The following CTNNA2 variants were observed in gnomAD, a reference collection of about 807,000 sequenced individuals.
The protein encoded by CTNNA2 is catenin alpha-2.
In CTNNA2, 42 loss-of-function variants were observed where a neutral mutation model predicts 101.0. The ratio of observed to expected loss-of-function variants is 0.42; its 90% CI spans 0.32 to 0.54. The LOEUF is 0.54. Among genes scored for constraint, CTNNA2 ranks in the 20% least tolerant of loss-of-function variants. The pLI is 0.14. For synonymous variants in CTNNA2, 450 were observed against 456.4 expected, an observed-to-expected ratio of 0.99 and a Z score of 0.18; for missense variants, 871 against 1,223.1, an observed-to-expected ratio of 0.71 and a Z score of 4.29.
intron 4 of CTNNA2, among the ~76,000 whole-genome samples, chr2:79,495,058 GC>G (rs1407565568): frequency 2.0e-5 from 3 of 152,058 alleles, no homozygotes; most frequent in Non-Finnish European, 4.4e-5. Flanking sequence ...AGCCGAGATT[GC>G]GCCACTGCAC....
intron 9 of CTNNA2, among the ~76,000 whole-genome samples, chr2:80,477,030 A>G (rs986111790): frequency 2.6e-5 from 4 of 152,194 alleles, no homozygotes; most frequent in African/African-American, 9.6e-5. Flanking sequence ...TAGAATAATT[A>G]CTATTTAGAG....
At chr2:79,616,424 T>G (rs1678624900) in intron 1 of CTNNA2, among the ~76,000 whole-genome samples, 1 of 152,144 alleles carries the variant, frequency 6.6e-6, no homozygotes, top group Non-Finnish European at 1.5e-5. Flanking sequence ...GTAGAGAAAT[T>G]TAAAGAATGT....
At chr2:79,841,026 T>C (rs372119298) in intron 3 of CTNNA2, among the ~76,000 whole-genome samples, 12 of 151,946 alleles carry the variant, frequency 7.9e-5, no homozygotes, top group Admixed American at 1.3e-4. Context: ...GCCTCGGCCT[T>C]CCAAAGTGCT....
At chr2:79,421,784 G>T (rs1678542413) in intron 4 of CTNNA2, among the ~76,000 whole-genome samples, 1 of 152,108 alleles carries the variant, frequency 6.6e-6, no homozygotes, top group Non-Finnish European at 1.5e-5. Context: ...CATTAGTCAG[G>T]CTGTAGGATG....
At chr2:79,900,714 G>A (rs1004676119) in intron 6 of CTNNA2, among the ~76,000 whole-genome samples, 1 of 151,916 alleles carries the variant, frequency 6.6e-6, no homozygotes, top group African/African-American at 2.4e-5. Context: ...CCCAAGACAA[G>A]GCAAACCACA....
intron 7 of CTNNA2, among the ~76,000 whole-genome samples, chr2:80,026,748 G>A (rs1263245463): frequency 6.6e-6 from 1 of 152,088 alleles, no homozygotes; most frequent in Non-Finnish European, 1.5e-5. Flanking sequence ...AGAAACTAAG[G>A]TATGAAGTGT....
At chr2:80,105,174 CAACAGAATGAT>C (rs1700800380) in intron 7 of CTNNA2, among the ~76,000 whole-genome samples, 1 of 152,162 alleles carries the variant, frequency 6.6e-6, no homozygotes, top group African/African-American at 2.4e-5. Flanking sequence ...TAAAATACAC[CAACAGAATGAT>C]TGATCATGTT....
At chr2:80,139,480 C>T (rs1422728351) in intron 7 of CTNNA2, among the ~76,000 whole-genome samples, 1 of 152,032 alleles carries the variant, frequency 6.6e-6, no homozygotes, top group Non-Finnish European at 1.5e-5. Context: ...GATTTTACTG[C>T]TTAGGATCTG....
intron 7 of CTNNA2, among the ~76,000 whole-genome samples, chr2:80,283,279 GGA>G (rs1674525382): frequency 6.6e-6 from 1 of 151,938 alleles, no homozygotes; most frequent in Non-Finnish European, 1.5e-5. Context: ...TGCAGGGAGG[GGA>G]GAGAATATCA....
chr2:79,414,497 G>A (rs1249188426), intron 4 of CTNNA2, among the ~76,000 whole-genome samples: 2 of 151,728 alleles, frequency 1.3e-5, no homozygotes, highest in Non-Finnish European at 2.9e-5. Context: ...ATAATTCCTT[G>A]GTAATTTTAT....
At chr2:79,785,295 C>T (rs1488490841) in intron 3 of CTNNA2, among the ~76,000 whole-genome samples, 1 of 151,812 alleles carries the variant, frequency 6.6e-6, no homozygotes. Flanking sequence ...ATTTACTTCC[C>T]CTTACTCACA....
intron 7 of CTNNA2, among the ~76,000 whole-genome samples, chr2:80,257,560 T>G (rs1319836183): frequency 6.6e-6 from 1 of 152,216 alleles, no homozygotes; most frequent in Non-Finnish European, 1.5e-5. Context: ...GTAGCCACCC[T>G]GATGAATGCA....
At chr2:79,939,717 A>T (rs1384884163) in intron 7 of CTNNA2, among the ~76,000 whole-genome samples, 1 of 152,212 alleles carries the variant, frequency 6.6e-6, no homozygotes, top group African/African-American at 2.4e-5. Context: ...GAATGATCTT[A>T]CATATTAGCA....
At chr2:79,859,397 CA>C (rs1282314453) in intron 4 of CTNNA2, among the ~76,000 whole-genome samples, 1 of 152,026 alleles carries the variant, frequency 6.6e-6, no homozygotes, top group Non-Finnish European at 1.5e-5. Context: ...TATTCTCTGT[CA>C]AAAAACCTTG....
At chr2:79,749,832 T>C (rs1671890674) in intron 3 of CTNNA2, among the ~76,000 whole-genome samples, 1 of 152,242 alleles carries the variant, frequency 6.6e-6, no homozygotes, top group African/African-American at 2.4e-5. Flanking sequence ...AAAAAAACGC[T>C]AAATGTTCTA....
rs202014631 is a variant in CTNNA2 at position 80,043,207 on chromosome 2, T to TC, written c.1056+133410_1056+133411insC. Among the ~76,000 whole-genome samples, 39 of 35,104 alleles carry TC rather than the reference T, an allele frequency of 1.1e-3. No individual in the cohort carries two copies. In the East Asian group the frequency reaches 0.24, roughly 219 times the overall value. The allele number at this position is 35,104 out of a possible 152,430, so 23.0% of individuals were successfully genotyped here. On this transcript the variant is annotated intron_variant, in intron 7 of 18. Coordinates refer to ENST00000402739, the MANE Select transcript of CTNNA2 (RefSeq NM_001282597.3). ...CTTTCTTTCTTTCTTTCTCTCTCTC[T>TC]TTTTTTTTTTTTCAGAGTCTTGCTC...
chr2:79,263,734 CCTT>C (rs1364933097), intron 2 of CTNNA2, among the ~76,000 whole-genome samples: 2 of 152,108 alleles, frequency 1.3e-5, no homozygotes, highest in Non-Finnish European at 2.9e-5. Flanking sequence ...GAGCTCGGCT[CCTT>C]CTTGCTATCT....
intron 7 of CTNNA2, among the ~76,000 whole-genome samples, chr2:79,928,771 C>T (rs1417000400): frequency 6.6e-6 from 1 of 152,094 alleles, no homozygotes; most frequent in South Asian, 2.1e-4. Flanking sequence ...GGTTTGAAAT[C>T]TCACTGGGAA....
intron 7 of CTNNA2, chr2:80,378,900 G>A (rs1321324013): frequency 6.6e-6 from 1 of 152,194 alleles, no homozygotes; most frequent in Non-Finnish European, 1.5e-5. Context: ...CGTGGTATCG[G>A]GAAGAGAGTT....
Sources: gnomAD v4.1 joint callset for allele counts (sites outside exome capture counted in the v4.1 genomes callset) on GRCh38, gnomAD v4.1.1 for gene constraint, MANE v1.5 for transcripts, NCBI Gene and HGNC (gene_info 2026-07-23, HGNC 2026-07-21) for gene names.